The following NTPCR variants were observed in gnomAD, a reference collection of about 807,000 sequenced individuals.
NTPCR encodes cancer-related nucleoside-triphosphatase.
A neutral mutation model predicts 19.5 loss-of-function variants in NTPCR; 15 were observed. That is an observed-to-expected ratio of 0.77 (90% CI 0.51 to 1.18). The LOEUF is 1.18. NTPCR is among the 50% of genes most tolerant of loss of function. The pLI is 0.00. For synonymous variants in NTPCR, 90 were observed against 95.8 expected, an observed-to-expected ratio of 0.94 and a Z score of 0.36; for missense variants, 206 against 240.4, an observed-to-expected ratio of 0.86 and a Z score of 0.95.
intron 4 of NTPCR, among the ~76,000 whole-genome samples, 181 bp downstream of exon 4, chr1:232,970,299 A>C (rs1191794659): frequency 6.6e-6 from 1 of 152,170 alleles, no homozygotes. Flanking sequence ...TTGATGAAAA[A>C]ACAAACTCGC....
chr1:232,970,050 G>C lies in NTPCR; in HGVS notation c.436G>C (p.Val146Leu), dbSNP rs780206282. The C allele has an allele frequency of 1.2e-6, 2 of 1,614,078 alleles. No individual in the cohort carries two copies. Among genetic ancestry groups the C allele is most frequent in the Non-Finnish European group, 1.7e-6 (2 of 1,180,038 alleles). ...PGTIILGTIP[V>L]PKGKPLALVE... Reference sequence around the variant, plus strand: ...GACTATAATCCTTGGCACAATCCCAGTTCCTAAAGGAAAGCCACTGGCTCT... The same window carrying C: ...GACTATAATCCTTGGCACAATCCCACTTCCTAAAGGAAAGCCACTGGCTCT... Residue 146 changes from valine to leucine, a missense_variant, in exon 4 of 5, where the codon GTT becomes CTT. Val to Leu is a conservative substitution (Grantham distance 32). Coordinates refer to ENST00000366628, the MANE Select transcript of NTPCR (RefSeq NM_032324.3).
chr1:232,950,647 A>G lies in NTPCR; in HGVS notation c.-64A>G, dbSNP rs1259396889. The G allele has an allele frequency of 3.7e-6, 5 of 1,360,394 alleles. No homozygotes were observed. Among genetic ancestry groups the G allele is most frequent in the Non-Finnish European group, 3.1e-6 (3 of 952,732 alleles). The allele number at this position is 1,360,394 out of a possible 1,614,324, so 84.3% of individuals were successfully genotyped here. A position where few individuals can be genotyped will look rare whatever the true frequency, so the allele number is the denominator to read the frequency against. ...GAGTCGCGACCCTGGTCCGGACCTG[A>G]CCTGAATTGCGACCCCAACCTGGAC... On this transcript the variant is annotated 5_prime_UTR_variant, in exon 1 of 5. Coordinates refer to ENST00000366628, the MANE Select transcript of NTPCR (RefSeq NM_032324.3).
rs761718903 is a variant in NTPCR at position 232,981,047 on chromosome 1, CG to C, written c.*2818del. On this transcript the variant is annotated 3_prime_UTR_variant, in exon 5 of 5. Coordinates refer to ENST00000366628, the MANE Select transcript of NTPCR (RefSeq NM_032324.3). The stretch of plus-strand genomic sequence containing the variant: ...AGAATCTCAGCTAGAATAACAAGGT[CG>C]GATGGGAGGAATCAGGACTGATTTG... The C allele has an allele frequency of 7.2e-5, 11 of 152,248 alleles. No homozygotes were observed. In the East Asian group the frequency reaches 2.1e-3, roughly 29 times the overall value. The allele number at this position is 152,248 out of a possible 1,614,324, so 9.4% of individuals were successfully genotyped here.
chr1:232,959,330 A>T (rs1272124173), intron 3 of NTPCR, among the ~76,000 whole-genome samples: 1 of 152,110 alleles, frequency 6.6e-6, no homozygotes, highest in East Asian at 1.9e-4. Context: ...TTCCACCATG[A>T]TTGTAAGTTT....
rs1369877061 is a variant in NTPCR at position 232,978,280 on chromosome 1, A to G, written c.*49A>G. ...GTGAAGGAGTGCCCAGTTCAAGAGG[A>G]GCCTGATGGAGCCCTGCCTGTCGAG... On this transcript the variant is annotated 3_prime_UTR_variant, in exon 5 of 5. Transcript: ENST00000366628. 3 of 1,493,526 alleles carry G rather than the reference A, an allele frequency of 2.0e-6. No individual in the cohort carries two copies. The South Asian group carries it at 3.4e-5, about 17-fold the overall frequency. The allele number at this position is 1,493,526 out of a possible 1,614,324, so 92.5% of individuals were successfully genotyped here.
chr1:232,974,879 A>C (rs34447323), intron 4 of NTPCR, among the ~76,000 whole-genome samples: 7,974 of 152,248 alleles, frequency 0.052, 278 homozygotes, highest in Middle Eastern at 0.078. Flanking sequence ...CTCTATTTGC[A>C]TGGGGGTTAA....
At chr1:232,966,720 C>T (rs995572710) in intron 3 of NTPCR, 12 of 152,140 alleles carry the variant, frequency 7.9e-5, no homozygotes, top group East Asian at 1.9e-4. Flanking sequence ...TCTTCTCTCC[C>T]GGAACAGGGA....
chr1:232,972,715 C>T (rs1240289473), intron 4 of NTPCR, among the ~76,000 whole-genome samples: 1 of 152,252 alleles, frequency 6.6e-6, no homozygotes, highest in African/African-American at 2.4e-5. Context: ...GCATGAGCCA[C>T]TGTGCCTGGC....
In NTPCR at chr1:232,950,857, A is replaced by C. The variant is rs1668345581; in HGVS notation, c.34+113A>C. On this transcript the variant is annotated intron_variant, in intron 1 of 4. Transcript: ENST00000366628. ...TCCGGCTCCAGGGCTCCGGCCTCTG[A>C]AGTTCCCAATTTAAATGGCGGGCTT... 4.5e-6 allele frequency: 3 copies of C among 662,732 alleles called. No individual in the cohort carries two copies. In the Admixed American group the frequency reaches 9.6e-5, roughly 21 times the overall value. The allele number at this position is 662,732 out of a possible 1,614,324, so 41.1% of individuals were successfully genotyped here. A position where few individuals can be genotyped will look rare whatever the true frequency, so the allele number is the denominator to read the frequency against.
intron 4 of NTPCR, chr1:232,976,934 T>A (rs1339406254): frequency 5.8e-6 from 1 of 172,664 alleles, no homozygotes; most frequent in Non-Finnish European, 1.2e-5. Context: ...TGGGGGCAAG[T>A]TTCCTAGACC....
In NTPCR at chr1:232,950,651, G is replaced by T; in HGVS notation, c.-60G>T. On this transcript the variant is annotated 5_prime_UTR_variant, in exon 1 of 5. Coordinates refer to ENST00000366628, the MANE Select transcript of NTPCR (RefSeq NM_032324.3). ...CGCGACCCTGGTCCGGACCTGACCTGAATTGCGACCCCAACCTGGACTGCT... is the reference window on the plus strand; with the variant it reads ...CGCGACCCTGGTCCGGACCTGACCTTAATTGCGACCCCAACCTGGACTGCT... The T allele has an allele frequency of 7.0e-7, 1 of 1,424,492 alleles. No homozygotes were observed. Among genetic ancestry groups the T allele is most frequent in the Non-Finnish European group, 9.9e-7 (1 of 1,010,548 alleles). The allele number at this position is 1,424,492 out of a possible 1,614,324, so 88.2% of individuals were successfully genotyped here.
chr1:232,968,106 C>T (rs1252919574), intron 3 of NTPCR: 1 of 152,218 alleles, frequency 6.6e-6, no homozygotes, highest in African/African-American at 2.4e-5. Context: ...AGCTCTGGGA[C>T]ATCGGTGAGT....
chr1:232,982,433 G>C lies in NTPCR; in HGVS notation c.*4202G>C, dbSNP rs531428042. 1.3e-5 allele frequency: 2 copies of C among 152,220 alleles called. No individual in the cohort carries two copies. Among genetic ancestry groups the C allele is most frequent in the Non-Finnish European group, 2.9e-5 (2 of 68,052 alleles). 9.4% of individuals were successfully genotyped at this position (152,220 alleles called of 1,614,324 possible). ...GCAGAGCGTCACTGCATTCCTATCT[G>C]ATTAATGTGACCTTAGTGTTGTAGA... On this transcript the variant is annotated 3_prime_UTR_variant, in exon 5 of 5. Coordinates refer to ENST00000366628, the MANE Select transcript of NTPCR (RefSeq NM_032324.3).
intron 1 of NTPCR, among the ~76,000 whole-genome samples, chr1:232,952,312 T>C (rs1292222579): frequency 1.3e-5 from 2 of 151,970 alleles, no homozygotes; most frequent in East Asian, 3.9e-4. Flanking sequence ...TGGGCTTAAG[T>C]GATCCTCCCA....
At chr1:232,955,365 T>G (rs1049569671) in intron 1 of NTPCR, among the ~76,000 whole-genome samples, 192 bp from the exon 2 acceptor site, 6 of 152,190 alleles carry the variant, frequency 3.9e-5, no homozygotes, top group African/African-American at 1.4e-4. Context: ...TTGTTTCTAC[T>G]TGAAATTAAG....
chr1:232,970,760 T>C (rs1287042570), intron 4 of NTPCR, among the ~76,000 whole-genome samples: 1 of 152,262 alleles, frequency 6.6e-6, no homozygotes, highest in Non-Finnish European at 1.5e-5. Flanking sequence ...ATTAAACATT[T>C]GGATTCTCAG....
At position 232,967,409 on chromosome 1, in the gene NTPCR, A is replaced by C. The variant is rs543974675; in HGVS notation, c.295-2500A>C. The stretch of plus-strand genomic sequence containing the variant: ...GAGATTCCTGAAGTTCTTGGATTAT[A>C]AAATTCCCCAATTCTGGACAGATTG... On this transcript the variant is annotated intron_variant, in intron 3 of 4. Coordinates refer to ENST00000366628, the MANE Select transcript of NTPCR (RefSeq NM_032324.3). 3.3e-5 allele frequency: 5 copies of C among 152,356 alleles called. No homozygotes were observed. The South Asian group carries it at 1.0e-3, about 32-fold the overall frequency. 9.4% of individuals were successfully genotyped at this position (152,356 alleles called of 1,614,324 possible). A position where few individuals can be genotyped will look rare whatever the true frequency, so the allele number is the denominator to read the frequency against.
chr1:232,967,455 G>A (rs949826824), intron 3 of NTPCR: 1 of 152,154 alleles, frequency 6.6e-6, no homozygotes, highest in Non-Finnish European at 1.5e-5. Flanking sequence ...GTAAGCTAAG[G>A]TTTTAAAATG....
rs1327849078 is a variant in NTPCR, at chr1:232,963,348, G to A, written c.295-6561G>A. 2.6e-5 allele frequency: 4 copies of A among 152,152 alleles called. No homozygotes were observed. The East Asian group carries it at 7.7e-4, about 29-fold the overall frequency. 9.4% of individuals were successfully genotyped at this position (152,152 alleles called of 1,614,324 possible). ...GACTGAGACTTTATTATTTCTGATT[G>A]TTGGCGAGATTCTGTGGATTTAGAT... On this transcript the variant is annotated intron_variant, in intron 3 of 4. Transcript: ENST00000366628.
Sources: gnomAD v4.1 joint callset for allele counts (sites outside exome capture counted in the v4.1 genomes callset) on GRCh38, gnomAD v4.1.1 for gene constraint, MANE v1.5 for transcripts, NCBI Gene and HGNC (gene_info 2026-07-23, HGNC 2026-07-21) for gene names.